SVEP1: variants seen among roughly 807,000 people sequenced by gnomAD.
SVEP1 encodes the protein sushi, von Willebrand factor type A, EGF and pentraxin domain-containing protein 1.
Under a neutral mutation model 367.3 loss-of-function variants are expected in SVEP1, and 164 were observed. The observed-to-expected ratio is 0.45, with a 90% CI of 0.39 to 0.51. The LOEUF is 0.51. SVEP1 is among the 20% of genes least tolerant of loss of function. SVEP1 has a pLI of 0.00. For synonymous variants in SVEP1, 1,666 were observed against 1,611.6 expected (o/e 1.03, Z -0.81); for missense variants, 4,117 against 4,425.3 (o/e 0.93, Z 1.98).
intron 22 of SVEP1, among the ~76,000 whole-genome samples, chr9:110,453,336 A>G (rs1003014006): frequency 6.6e-6 from 1 of 152,074 alleles, no homozygotes; most frequent in Non-Finnish European, 1.5e-5. Context: ...AGAATATATC[A>G]TCAATATTAT....
chr9:110,397,202 T>C (rs796273113), intron 40 of SVEP1, among the ~76,000 whole-genome samples: 1 of 152,130 alleles, frequency 6.6e-6, no homozygotes, highest in African/African-American at 2.4e-5. Flanking sequence ...CACAAATCAA[T>C]AAATGTAATC....
intron 5 of SVEP1, among the ~76,000 whole-genome samples, chr9:110,510,190 A>G (rs977462431): frequency 1.3e-5 from 2 of 152,224 alleles, no homozygotes; most frequent in Non-Finnish European, 2.9e-5. Flanking sequence ...CCACAGGGGC[A>G]TAACTACACA....
chr9:110,369,188 C>T (rs148033085), intron 47 of SVEP1, among the ~76,000 whole-genome samples: 2 of 152,204 alleles, frequency 1.3e-5, no homozygotes, highest in East Asian at 3.9e-4. Flanking sequence ...AATATTTTAT[C>T]TGTGGTATGT....
chr9:110,506,892 G>A (rs1829634950), intron 5 of SVEP1, among the ~76,000 whole-genome samples: 1 of 152,010 alleles, frequency 6.6e-6, no homozygotes, highest in Non-Finnish European at 1.5e-5. Flanking sequence ...GAGGGGAAGG[G>A]GAAGTCAGAG....
At chr9:110,417,154 A>G (rs1163114888) in intron 36 of SVEP1, among the ~76,000 whole-genome samples, 3 of 151,718 alleles carry the variant, frequency 2.0e-5, no homozygotes, top group African/African-American at 2.4e-5. Context: ...TACAGCTCCC[A>G]GCGTGAGCGA....
In SVEP1 at chr9:110,472,167, T is replaced by C. The variant is rs1829029040; in HGVS notation, c.2756A>G (p.Asn919Ser). The change falls in exon 15 of 48, where the codon AAC becomes AGC. Residue 919 changes from asparagine to serine, a missense_variant. Around this residue, in one of 4 missense-constraint regions of SVEP1, gnomAD observed 2,174 missense variants for 2,494.3 expected, o/e 0.87. Transcript: ENST00000374469. ...AGACAGTTTATCCTTACCTGTGATG[T>C]TAAAAATTAACTTAATTTTATAGTC... is the stretch of plus-strand genomic sequence containing the variant. ...LSDYKIKLIF[N>S]ITASVPLPDE... The C allele has an allele frequency of 1.2e-6, 2 of 1,611,004 alleles. No individual in the cohort carries two copies. The highest frequency in any genetic ancestry group is 1.3e-5 in the African/African-American group (1 of 74,758).
chr9:110,558,846 T>C (rs1309612403), intron 1 of SVEP1, among the ~76,000 whole-genome samples: 1 of 152,044 alleles, frequency 6.6e-6, no homozygotes, highest in East Asian at 1.9e-4. Context: ...ATTCAAATAT[T>C]AAAAGAAACT....
At chr9:110,470,228 G>T (rs779092312) in intron 16 of SVEP1, among the ~76,000 whole-genome samples, 47 of 152,278 alleles carry the variant, frequency 3.1e-4, no homozygotes, top group Non-Finnish European at 6.3e-4. Context: ...ACTTTAATGG[G>T]CATAGAGTCT....
intron 40 of SVEP1, among the ~76,000 whole-genome samples, chr9:110,390,425 C>T (rs966862743): frequency 1.6e-4 from 22 of 136,784 alleles, no homozygotes; most frequent in African/African-American, 4.6e-4. Flanking sequence ...ATTCATCCAT[C>T]GATGACACCC....
intron 1 of SVEP1, among the ~76,000 whole-genome samples, chr9:110,572,100 T>G (rs1830569844): frequency 8.2e-6 from 1 of 122,382 alleles, no homozygotes; most frequent in Admixed American, 9.1e-5. Context: ...CCAAAGGTAA[T>G]ATAGTAAGAT....
At chr9:110,565,171 T>C (rs1304700422) in intron 1 of SVEP1, among the ~76,000 whole-genome samples, 6 of 152,154 alleles carry the variant, frequency 3.9e-5, no homozygotes, top group African/African-American at 1.4e-4. Flanking sequence ...AAATGGGCAG[T>C]GTATGAAAAG....
chr9:110,505,170 T>G (rs563866618), intron 5 of SVEP1, among the ~76,000 whole-genome samples: 53 of 152,298 alleles, frequency 3.5e-4, no homozygotes, highest in South Asian at 8.3e-4. Flanking sequence ...TCAGAGAAGC[T>G]ACCAGAGAGC....
At position 110,476,359 on chromosome 9, in the gene SVEP1, T is replaced by C. The variant is rs760879767; in HGVS notation, c.2488-44A>G. The C allele has an allele frequency of 7.0e-6, 10 of 1,429,062 alleles. No individual in the cohort carries two copies. The South Asian group carries it at 9.2e-5, about 13-fold the overall frequency. The allele number at this position is 1,429,062 out of a possible 1,614,324, so 88.5% of individuals were successfully genotyped here. On this transcript the variant is annotated intron_variant, in intron 13 of 47. Coordinates refer to ENST00000374469, the MANE Select transcript of SVEP1 (RefSeq NM_153366.4). ...GAGGATAAAGTGTAAATCACTTTTC[T>C]GCATGCCTTGGATAAACACTTTGCT...
intron 9 of SVEP1, among the ~76,000 whole-genome samples, chr9:110,484,979 G>A (rs1343276803): frequency 1.3e-5 from 2 of 152,210 alleles, no homozygotes; most frequent in Non-Finnish European, 2.9e-5. Context: ...CTTTTACACT[G>A]TTGGTGGGAA....
intron 39 of SVEP1, among the ~76,000 whole-genome samples, chr9:110,401,578 TTAAAA>T (rs1207707933): frequency 2.0e-5 from 3 of 150,100 alleles, no homozygotes; most frequent in Non-Finnish European, 3.0e-5. Flanking sequence ...TCAATAATGA[TTAAAA>T]TAAATTTTAT....
chr9:110,555,274 G>A (rs908418378), intron 1 of SVEP1, among the ~76,000 whole-genome samples: 3 of 151,684 alleles, frequency 2.0e-5, no homozygotes, highest in South Asian at 2.1e-4. Context: ...CAATAGTGCC[G>A]GGCACAGAGT....
At chr9:110,385,129 T>C (rs1203218033) in intron 43 of SVEP1, among the ~76,000 whole-genome samples, 14 of 152,216 alleles carry the variant, frequency 9.2e-5, no homozygotes, top group African/African-American at 3.4e-4. Context: ...TACAGGTGTG[T>C]GCCACCACAC....
chr9:110,526,860 A>G (rs1829945476), intron 3 of SVEP1, among the ~76,000 whole-genome samples: 1 of 152,164 alleles, frequency 6.6e-6, no homozygotes, highest in South Asian at 2.1e-4. Context: ...GAAATGAATT[A>G]TTGGTACACA....
In SVEP1 at chr9:110,579,651, GC is replaced by G; in HGVS notation, c.-109del. On this transcript the variant is annotated 5_prime_UTR_variant, in exon 1 of 48. Coordinates refer to ENST00000374469, the MANE Select transcript of SVEP1 (RefSeq NM_153366.4). This position sits in a 1 kb window ranked among gnomAD's most constrained non-coding sequence, Gnocchi z 5.3. ...GGGCGTGCGCGGAGCTGGGCGCGGG[GC>G]AGCGGCCAAGAGCCTCAGCGCCCTT... The G allele has an allele frequency of 7.5e-7, 1 of 1,325,136 alleles. No homozygotes were observed. The highest frequency in any genetic ancestry group is 1.6e-5 in the African/African-American group (1 of 63,706). The allele number at this position is 1,325,136 out of a possible 1,614,324, so 82.1% of individuals were successfully genotyped here.
Sources: gnomAD v4.1 joint callset for allele counts (sites outside exome capture counted in the v4.1 genomes callset) on GRCh38, gnomAD v4.1.1 for gene constraint, gnomAD v4.1.1 regional missense constraint, Gnocchi (gnomAD v3.1) non-coding constraint, MANE v1.5 for transcripts, NCBI Gene and HGNC (gene_info 2026-07-23, HGNC 2026-07-21) for gene names.